Variants in MYO1E observed in about 807,000 individuals in gnomAD.
MYO1E encodes myosin IE, also known as unconventional myosin-Ie.
Under a neutral mutation model 151.1 loss-of-function variants are expected in MYO1E, and 68 were observed. The ratio of observed to expected loss-of-function variants is 0.45; its 90% CI spans 0.37 to 0.55. MYO1E has a LOEUF of 0.55. MYO1E is among the 20% of genes least tolerant of loss of function. The pLI, the probability that MYO1E is intolerant of heterozygous loss-of-function variation, is 0.00. For synonymous variants in MYO1E, 601 were observed against 501.7 expected (o/e 1.20, Z -2.64); for missense variants, 1,363 against 1,389.3 (o/e 0.98, Z 0.30).
chr15:59,328,021 A>C (rs1462607310), intron 1 of MYO1E, among the ~76,000 whole-genome samples: 2 of 152,212 alleles, frequency 1.3e-5, no homozygotes, highest in African/African-American at 4.8e-5. Context: ...CAGCCTGGGC[A>C]GAAGTGTGGA....
intron 1 of MYO1E, among the ~76,000 whole-genome samples, chr15:59,366,997 C>CAAAAA (rs66848377): frequency 3.8e-4 from 11 of 28,594 alleles, no homozygotes; most frequent in African/African-American, 5.8e-4. Flanking sequence ...TGCATTTTCG[C>CAAAAA]AAAAAAAAAA....
rs149958061 is a variant in MYO1E at position 59,320,687 on chromosome 15, A to C, written c.4-48238T>G. On this transcript the variant is annotated intron_variant, in intron 1 of 27. Coordinates refer to ENST00000288235, the MANE Select transcript of MYO1E (RefSeq NM_004998.4). ...TTCACCACATACAAAAATTAACCCA[A>C]GATGGATTAAAGATTTAAATGTAAG... Among the ~76,000 whole-genome samples the C allele has an allele frequency of 8.6e-4, 131 of 152,372 alleles. 2 individuals carry two copies. The East Asian group carries it at 0.018, about 21-fold the overall frequency.
intron 1 of MYO1E, among the ~76,000 whole-genome samples, chr15:59,310,799 C>A (rs17236557): frequency 0.2 from 29,947 of 151,484 alleles, 4,549 homozygotes; most frequent in East Asian, 0.5. Flanking sequence ...TCTGCTTCAC[C>A]AAGTTGCCTT....
At chr15:59,263,524 A>G (rs906603259) in intron 2 of MYO1E, among the ~76,000 whole-genome samples, 1 of 152,242 alleles carries the variant, frequency 6.6e-6, no homozygotes, top group African/African-American at 2.4e-5. Flanking sequence ...ATACAAATCA[A>G]TGTGAGATGG....
chr15:59,259,116 A>T (rs11071418), intron 3 of MYO1E, among the ~76,000 whole-genome samples: 1 of 151,978 alleles, frequency 6.6e-6, no homozygotes, highest in Non-Finnish European at 1.5e-5. Context: ...TCTTTTGGTC[A>T]TCCTCTCAAT....
intron 1 of MYO1E, among the ~76,000 whole-genome samples, chr15:59,308,303 A>AG (rs1472002443): frequency 6.9e-5 from 10 of 145,864 alleles, no homozygotes; most frequent in Non-Finnish European, 1.1e-4. Context: ...TGGGAGGCTG[A>AG]GGGGGGCAGA....
intron 1 of MYO1E, among the ~76,000 whole-genome samples, chr15:59,297,028 T>TC (rs113364246): frequency 5.5e-5 from 3 of 54,506 alleles, no homozygotes; most frequent in African/African-American, 9.8e-5. Context: ...ATTTTTTGTG[T>TC]TTTTTTGTAG....
In MYO1E at chr15:59,372,582, T is replaced by A; in HGVS notation, c.-82A>T. 1 of 1,507,894 alleles carries A rather than the reference T, an allele frequency of 6.6e-7. No homozygotes were observed. Among genetic ancestry groups the A allele is most frequent in the Non-Finnish European group, 8.9e-7 (1 of 1,124,280 alleles). The allele number at this position is 1,507,894 out of a possible 1,614,324, so 93.4% of individuals were successfully genotyped here. On this transcript the variant is annotated 5_prime_UTR_variant, in exon 1 of 28. Transcript: ENST00000288235. ...TGGAACGCAGTCTTCTGGGCGAACTTCAAAAGTTGGTTCCCCTCGCCAAAA... is the reference window on the plus strand; with the variant it reads ...TGGAACGCAGTCTTCTGGGCGAACTACAAAAGTTGGTTCCCCTCGCCAAAA...
intron 1 of MYO1E, among the ~76,000 whole-genome samples, chr15:59,300,827 G>A (rs535264394): frequency 6.6e-6 from 1 of 151,978 alleles, no homozygotes; most frequent in South Asian, 2.1e-4. Flanking sequence ...TCTTGGAGGA[G>A]GGAGCTTATT....
chr15:59,231,696 A>C lies in MYO1E; in HGVS notation c.510+6T>G. ...CGACACTCTCTGAAACAGGGAAGGG[A>C]CTTACAAATCGGCTGGAGTTGTTGT... On this transcript the variant is annotated splice_donor_region_variant and intron_variant, in intron 6 of 27. Transcript: ENST00000288235. The C allele has an allele frequency of 6.2e-7, 1 of 1,613,504 alleles. No homozygotes were observed. The highest frequency in any genetic ancestry group is 8.5e-7 in the Non-Finnish European group (1 of 1,179,440).
intron 1 of MYO1E, among the ~76,000 whole-genome samples, chr15:59,337,838 GAAA>G (rs75190412): frequency 4.6e-5 from 7 of 150,586 alleles, no homozygotes; most frequent in Admixed American, 3.3e-4. Flanking sequence ...TCTCAAAAAA[GAAA>G]AAAAAATCTC....
Position 59,338,043 on chromosome 15 carries a change from A to G in MYO1E, c.3+34455T>C, listed in dbSNP as rs140848188. The stretch of plus-strand genomic sequence containing the variant: ...GAAGAGTGTAAATTAATCAAACAAA[A>G]TCCTTCTAAAGGAAATAAGCTCTGT... On this transcript the variant is annotated intron_variant, in intron 1 of 27. Transcript: ENST00000288235. Among the ~76,000 whole-genome samples, 27 of 152,266 alleles carry G rather than the reference A, an allele frequency of 1.8e-4. No homozygotes were observed. In the East Asian group the frequency reaches 4.1e-3, roughly 23 times the overall value.
intron 1 of MYO1E, among the ~76,000 whole-genome samples, chr15:59,299,633 A>C (rs1460592863): frequency 1.6e-4 from 25 of 152,384 alleles, no homozygotes; most frequent in Admixed American, 1.5e-3. Context: ...TGAGCTATGA[A>C]GAAAAAGAAT....
chr15:59,349,653 T>C (rs1404817916), intron 1 of MYO1E, among the ~76,000 whole-genome samples: 2 of 152,180 alleles, frequency 1.3e-5, no homozygotes, highest in Non-Finnish European at 2.9e-5. Context: ...ATGATGATGA[T>C]ATAACTTTCT....
At chr15:59,335,362 G>A (rs1338291036) in intron 1 of MYO1E, among the ~76,000 whole-genome samples, 2 of 152,158 alleles carry the variant, frequency 1.3e-5, no homozygotes, top group African/African-American at 4.8e-5. Flanking sequence ...GCAAGCGCAG[G>A]CTGCTACAGT....
chr15:59,178,518 C>T lies in MYO1E; in HGVS notation c.1924G>A (p.Ala642Thr). 4 of 1,614,174 alleles carry T rather than the reference C, an allele frequency of 2.5e-6. No homozygotes were observed. Among genetic ancestry groups the T allele is most frequent in the Non-Finnish European group, 2.5e-6 (3 of 1,180,008 alleles). Residue 642 changes from alanine (A) to threonine (T), a missense_variant, in exon 19 of 28, where the codon GCC becomes ACC. Physicochemically the swap from Ala to Thr is moderately conservative, Grantham distance 58. Transcript: ENST00000288235. ...FLQRYAILTK[A>T]TWPSWQGEEK... ...TCTCCCTGCCAAGAAGGCCAGGTGG[C>T]TTTGGTCAGAATGGCATACCTGTGG... is the stretch of plus-strand genomic sequence containing the variant.
intron 25 of MYO1E, 59 bp downstream of exon 25, chr15:59,158,228 T>G: frequency 7.2e-7 from 1 of 1,387,888 alleles, no homozygotes; most frequent in Non-Finnish European, 1.0e-6. Context: ...CCCAAACATA[T>G]TTTATAAGTT....
At position 59,178,495 on chromosome 15, in the gene MYO1E, T is replaced by A; in HGVS notation, c.1947A>T (p.Gly649=). Reference sequence around the variant, plus strand: ...GGTGCAGGACGCCTTGCTTCTCCTCTCCCTGCCAAGAAGGCCAGGTGGCTT... The same window carrying A: ...GGTGCAGGACGCCTTGCTTCTCCTCACCCTGCCAAGAAGGCCAGGTGGCTT... The part of the protein sequence containing the change: ...LTKATWPSWQ[G]EEKQGVLHLL... Residue 649 remains glycine (G), a synonymous_variant, in exon 19 of 28, where the codon GGA becomes GGT. Transcript: ENST00000288235. The A allele has an allele frequency of 1.2e-6, 2 of 1,614,136 alleles. No individual in the cohort carries two copies. Among genetic ancestry groups the A allele is most frequent in the Non-Finnish European group, 1.7e-6 (2 of 1,180,024 alleles).
chr15:59,183,981 C>T (rs1288795482), intron 18 of MYO1E, among the ~76,000 whole-genome samples: 1 of 152,146 alleles, frequency 6.6e-6, no homozygotes, highest in Non-Finnish European at 1.5e-5. Context: ...TAATGATCTC[C>T]AATTCCATCG....
Sources: allele counts gnomAD v4.1 joint callset (sites outside exome capture counted in the v4.1 genomes callset), GRCh38; gene constraint gnomAD v4.1.1; transcripts MANE v1.5; gene names NCBI Gene and HGNC (gene_info 2026-07-23, HGNC 2026-07-21).